Variants in METTL1 observed in about 807,000 individuals in gnomAD.
METTL1 encodes tRNA (guanine-N(7)-)-methyltransferase.
In METTL1, 14 loss-of-function variants were observed where a neutral mutation model predicts 27.7. The observed-to-expected ratio is 0.51, with a 90% CI of 0.33 to 0.79. METTL1 has a LOEUF of 0.79. Ranked by LOEUF, METTL1 falls within the 30% of genes least tolerant of loss-of-function variation. The probability of loss-of-function intolerance (pLI) is 0.02; values close to 1 mark genes in which losing one functional copy is unlikely to be tolerated. For synonymous variants in METTL1, 138 were observed against 137.0 expected (o/e 1.01, Z -0.05); for missense variants, 333 against 359.6 (o/e 0.93, Z 0.60).
At chr12:57,770,885 G>C (rs1402083597) in intron 2 of METTL1, 1 of 521,894 alleles carries the variant, frequency 1.9e-6, no homozygotes, top group Non-Finnish European at 3.4e-6. Context: ...GGACAACCCA[G>C]GTTTTAAGAA....
intron 2 of METTL1, chr12:57,770,879 A>C: frequency 2.0e-6 from 1 of 506,126 alleles, no homozygotes; most frequent in Non-Finnish European, 3.5e-6. Flanking sequence ...CAGAAAGGAC[A>C]ACCCAGGTTT....
chr12:57,769,991 T>C (rs1233419547), intron 2 of METTL1, 35 bp from the exon 3 acceptor site: 2 of 1,562,840 alleles, frequency 1.3e-6, no homozygotes, highest in Admixed American at 1.9e-5. Flanking sequence ...TCATCAACCA[T>C]ATACTTGTAG....
At chr12:57,769,514 AG>A (rs764097633) in intron 4 of METTL1, 50 bp downstream of exon 4, 342 of 1,560,376 alleles carry the variant, frequency 2.2e-4, no homozygotes, top group Non-Finnish European at 2.9e-4. Flanking sequence ...TTCTTAGTGA[AG>A]GGCCCCTGAG....
rs772559321 is a variant in METTL1, at chr12:57,771,194, A to C, written c.174T>G (p.Thr58=). ...ELYPEFFAPL[T]QNQSHDDPKD... is the part of the protein sequence containing the mutation. ...TTGGGTCATCGTGGCTCTGATTTTG[A>C]GTGAGTGGAGCGAAGAACTCTGGGT... Residue 58 remains threonine (T), a synonymous_variant, in exon 2 of 6, where the codon ACT becomes ACG. Transcript: ENST00000324871. The C allele has an allele frequency of 1.2e-6, 2 of 1,614,030 alleles. No individual in the cohort carries two copies. Among genetic ancestry groups the C allele is most frequent in the Middle Eastern group, 1.6e-4 (1 of 6,062 alleles).
intron 1 of METTL1, 108 bp downstream of exon 1, chr12:57,771,866 T>G (rs1049862041): frequency 3.9e-5 from 52 of 1,329,712 alleles, no homozygotes; most frequent in Admixed American, 1.4e-4. Context: ...GTCACCCATC[T>G]GATCCTCCCG....
chr12:57,771,790 C>A (rs1955435760), intron 1 of METTL1, among the ~76,000 whole-genome samples, 184 bp downstream of exon 1: 1 of 152,222 alleles, frequency 6.6e-6, no homozygotes, highest in African/African-American at 2.4e-5. Context: ...CCGAACGCCA[C>A]GCCCACTCTC....
chr12:57,771,899 C>G, intron 1 of METTL1, 75 bp downstream of exon 1: 1 of 1,441,400 alleles, frequency 6.9e-7, no homozygotes, highest in Admixed American at 2.5e-5. Context: ...ATCCTCCCAG[C>G]AGTTGCAGCA....
rs960053933 is a variant in METTL1, at chr12:57,768,595, A to G, written c.*401T>C. Reference sequence around the variant, plus strand: ...GCAGAATAGGCATGTGTACACATATACATGTTATCCCAGGATCCACAAAGC... The same window carrying G: ...GCAGAATAGGCATGTGTACACATATGCATGTTATCCCAGGATCCACAAAGC... On this transcript the variant is annotated 3_prime_UTR_variant, in exon 6 of 6. Transcript: ENST00000324871. 6.7e-5 allele frequency: 13 copies of G among 194,988 alleles called. No homozygotes were observed. The highest frequency in any genetic ancestry group is 2.8e-4 in the African/African-American group (12 of 43,422). The allele number at this position is 194,988 out of a possible 1,614,324, so 12.1% of individuals were successfully genotyped here. A position where few individuals can be genotyped will look rare whatever the true frequency, so the allele number is the denominator to read the frequency against.
Position 57,769,493 on chromosome 12 carries a change from C to A in METTL1, c.573+72G>T. 3 of 1,577,990 alleles carry A rather than the reference C, an allele frequency of 1.9e-6. No individual in the cohort carries two copies. The South Asian group carries it at 3.4e-5, about 18-fold the overall frequency. On this transcript the variant is annotated intron_variant, in intron 4 of 5. Transcript: ENST00000324871. The stretch of plus-strand genomic sequence containing the variant: ...GTGGTGGTGTGAGTCCCTAAATGCA[C>A]CCCCACTGAATTCTTAGTGAAGGGC...
At chr12:57,771,378 T>C in intron 1 of METTL1, 121 bp from the exon 2 acceptor site, 1 of 1,474,658 alleles carries the variant, frequency 6.8e-7, no homozygotes, top group Non-Finnish European at 9.0e-7. Context: ...TTCTCAAAAA[T>C]TCTGTAACAC....
rs199933912 is a variant in METTL1, at chr12:57,769,517, G to T, written c.573+48C>A. Reference sequence around the variant, plus strand: ...ACCCCCACTGAATTCTTAGTGAAGGGCCCCTGAGTAGGCCACTCACCCCAT... The same window carrying T: ...ACCCCCACTGAATTCTTAGTGAAGGTCCCCTGAGTAGGCCACTCACCCCAT... On this transcript the variant is annotated intron_variant, in intron 4 of 5. Coordinates refer to ENST00000324871, the MANE Select transcript of METTL1 (RefSeq NM_005371.6). The T allele has an allele frequency of 6.1e-5, 95 of 1,560,388 alleles. 1 individual carries two copies. In the African/African-American group the frequency reaches 1.1e-3, roughly 18 times the overall value.
chr12:57,769,697 C>A lies in METTL1; in HGVS notation c.460-19G>T. The A allele has an allele frequency of 6.3e-7, 1 of 1,598,086 alleles. No homozygotes were observed. The highest frequency in any genetic ancestry group is 8.6e-7 in the Non-Finnish European group (1 of 1,169,562). On this transcript the variant is annotated intron_variant, in intron 3 of 5. Coordinates refer to ENST00000324871, the MANE Select transcript of METTL1 (RefSeq NM_005371.6). ...TTGTCAGCTGTGAGACAGACACACA[C>A]CAACAGGGTTGTGAGAGCCTGGCCT... is the stretch of plus-strand genomic sequence containing the variant.
intron 2 of METTL1, chr12:57,770,881 C>T (rs1296311507): frequency 7.8e-6 from 4 of 511,096 alleles, no homozygotes; most frequent in Non-Finnish European, 1.4e-5. Flanking sequence ...GAAAGGACAA[C>T]CCAGGTTTTA....
chr12:57,769,866 G>C lies in METTL1; in HGVS notation c.365C>G (p.Ala122Gly), dbSNP rs748957869. 6.2e-7 allele frequency: 1 copy of C among 1,614,162 alleles called. No individual in the cohort carries two copies. The highest frequency in any genetic ancestry group is 1.3e-5 in the African/African-American group (1 of 75,036). Residue 122 changes from alanine (A) to glycine (G), a missense_variant, in exon 3 of 6, where the codon GCC becomes GGC. Transcript: ENST00000324871. ...GCCACCTGCAGGAGCTGCGCGTAGG[G>C]CCCGAATCCGGTCTTGTACATAGTC... ...VSDYVQDRIRALRAAPAGGFQ... is the reference protein window; with the variant it reads ...VSDYVQDRIRGLRAAPAGGFQ...
chr12:57,769,445 A>G (rs776386126), intron 4 of METTL1, 41 bp from the exon 5 acceptor site: 2 of 1,602,562 alleles, frequency 1.2e-6, no homozygotes, highest in East Asian at 4.5e-5. Context: ...GCTGCATGCA[A>G]CGTCAGCAGC....
intron 2 of METTL1, 55 bp downstream of exon 2, chr12:57,771,039 G>T: frequency 6.4e-7 from 1 of 1,572,680 alleles, no homozygotes; most frequent in Non-Finnish European, 8.6e-7. Flanking sequence ...AAGTTGCTGA[G>T]GCAGCAGAAG....
At position 57,768,933 on chromosome 12, in the gene METTL1, C is replaced by T. The variant is rs886416572; in HGVS notation, c.*63G>A. On this transcript the variant is annotated 3_prime_UTR_variant, in exon 6 of 6. Coordinates refer to ENST00000324871, the MANE Select transcript of METTL1 (RefSeq NM_005371.6). ...TCCAGCAGTCTCAACTGGGAAGACC[C>T]AGGACTCCTGCTCTTTTCTCTAATC... 1 of 1,558,760 alleles carries T rather than the reference C, an allele frequency of 6.4e-7. No homozygotes were observed.
chr12:57,770,871 G>GA (rs1242464012), intron 2 of METTL1: 13 of 485,304 alleles, frequency 2.7e-5, no homozygotes, highest in Non-Finnish European at 4.4e-5. Context: ...ATTGACGCCA[G>GA]AAAGGACAAC....
chr12:57,771,861 C>A (rs888300805), intron 1 of METTL1, 113 bp downstream of exon 1: 32 of 1,285,910 alleles, frequency 2.5e-5, no homozygotes, highest in Non-Finnish European at 3.1e-5. Flanking sequence ...CTGACGTCAC[C>A]CATCTGATCC....
Sources: gnomAD v4.1 joint callset for allele counts (sites outside exome capture counted in the v4.1 genomes callset) on GRCh38, gnomAD v4.1.1 for gene constraint, MANE v1.5 for transcripts, NCBI Gene and HGNC (gene_info 2026-07-23, HGNC 2026-07-21) for gene names.